Variants in USP6NL observed in about 807,000 individuals in gnomAD.
The protein encoded by USP6NL is USP6 N-terminal like, also known as USP6 N-terminal-like protein.
In USP6NL, 26 loss-of-function variants were observed where a neutral mutation model predicts 61.9. That is an observed-to-expected ratio of 0.42 (90% CI 0.31 to 0.58). The LOEUF is 0.58. USP6NL is among the 20% of genes least tolerant of loss of function. The pLI, the probability that USP6NL is intolerant of heterozygous loss-of-function variation, is 0.16. For missense variants in USP6NL, 1,114 were observed against 1,034.3 expected, an observed-to-expected ratio of 1.08 and a Z score of -1.06; for synonymous variants, 432 against 390.1, an observed-to-expected ratio of 1.11 and a Z score of -1.27.
chr10:11,514,198 A>G (rs1359383928), intron 5 of USP6NL, among the ~76,000 whole-genome samples: 1 of 150,526 alleles, frequency 6.6e-6, no homozygotes, highest in Non-Finnish European at 1.5e-5. Context: ...ACTCTACCCA[A>G]TGGTCTCATC....
chr10:11,514,036 G>A (rs1221927152), intron 5 of USP6NL, among the ~76,000 whole-genome samples: 1 of 152,206 alleles, frequency 6.6e-6, no homozygotes, highest in Non-Finnish European at 1.5e-5. Context: ...ATGCCAAGCT[G>A]TACCACTTCT....
intron 2 of USP6NL, among the ~76,000 whole-genome samples, chr10:11,538,228 A>G (rs989205613): frequency 1.3e-5 from 2 of 152,232 alleles, no homozygotes; most frequent in African/African-American, 4.8e-5. Flanking sequence ...AGATTTTATT[A>G]TAACAGAGAA....
Position 11,491,069 on chromosome 10 carries a change from T to C in USP6NL, c.495-189A>G, listed in dbSNP as rs1029855269. Among the ~76,000 whole-genome samples the C allele has an allele frequency of 6.6e-6, 1 of 152,330 alleles. No individual in the cohort carries two copies. The highest frequency in any genetic ancestry group is 6.5e-5 in the Admixed American group (1 of 15,302). ...AGTCTAAATTCAAGACTAGATAATA[T>C]TCATTCTGAAAGGATTTATACCAAG... is the stretch of plus-strand genomic sequence containing the variant. On this transcript the variant is annotated intron_variant, in intron 8 of 14. Coordinates refer to ENST00000609104, the MANE Select transcript of USP6NL (RefSeq NM_014688.5). The surrounding 1 kb of genome is among the most constrained non-coding windows in gnomAD (Gnocchi z 4.7).
Position 11,562,122 on chromosome 10 carries a change from T to C in USP6NL, c.5-34555A>G, listed in dbSNP as rs1392370286. 6.6e-6 allele frequency among the ~76,000 whole-genome samples: 1 copy of C among 152,012 alleles called. No homozygotes were observed. The highest frequency in any genetic ancestry group is 1.5e-5 in the Non-Finnish European group (1 of 67,996). Reference sequence around the variant, plus strand: ...AGTGAAACTCCGTCTCTACTAAAAATACAAAAAATTAGCTGGATGTGGTGG... The same window carrying C: ...AGTGAAACTCCGTCTCTACTAAAAACACAAAAAATTAGCTGGATGTGGTGG... On this transcript the variant is annotated intron_variant, in intron 2 of 14. Coordinates refer to ENST00000609104, the MANE Select transcript of USP6NL (RefSeq NM_014688.5). The surrounding 1 kb of genome is among the most constrained non-coding windows in gnomAD (Gnocchi z 4.8).
chr10:11,517,207 T>C (rs897110365), intron 5 of USP6NL, among the ~76,000 whole-genome samples: 1 of 152,248 alleles, frequency 6.6e-6, no homozygotes, highest in African/African-American at 2.4e-5. Context: ...TCCATTACAT[T>C]AATTCAGCCC....
Position 11,518,538 on chromosome 10 carries a change from T to C in USP6NL, c.192A>G (p.Glu64=). 1.2e-6 allele frequency: 2 copies of C among 1,613,012 alleles called. No homozygotes were observed. The change falls in exon 5 of 15, where the codon GAA becomes GAG. Residue 64 remains glutamate (E), a synonymous_variant. Coordinates refer to ENST00000609104, the MANE Select transcript of USP6NL (RefSeq NM_014688.5). The surrounding 1 kb of genome is among the most constrained non-coding windows in gnomAD (Gnocchi z 5.3). ...EELPDHNVAV[E]RQKHLEIERT... Reference sequence around the variant, plus strand: ...ATACATCAAGAGCAGGACTTACCCGTTCCACAGCCACATTATGATCTGGGA... The same window carrying C: ...ATACATCAAGAGCAGGACTTACCCGCTCCACAGCCACATTATGATCTGGGA...
chr10:11,607,038 C>A (rs1380925577), intron 1 of USP6NL, among the ~76,000 whole-genome samples: 2 of 152,180 alleles, frequency 1.3e-5, no homozygotes, highest in East Asian at 3.8e-4. Context: ...GATCCACCCA[C>A]CTGGCCCTCC....
chr10:11,480,492 A>T (rs1434189284), intron 14 of USP6NL, among the ~76,000 whole-genome samples: 2 of 152,250 alleles, frequency 1.3e-5, no homozygotes, highest in Non-Finnish European at 2.9e-5. Context: ...AGAAAACAGA[A>T]GTCATTACAC....
intron 2 of USP6NL, among the ~76,000 whole-genome samples, chr10:11,579,303 T>C (rs943762694): frequency 1.3e-5 from 2 of 152,162 alleles, no homozygotes; most frequent in Non-Finnish European, 2.9e-5. Flanking sequence ...AAACCACAAA[T>C]TGATAATCAC....
At chr10:11,558,614 C>A (rs1836805608) in intron 2 of USP6NL, among the ~76,000 whole-genome samples, 1 of 152,300 alleles carries the variant, frequency 6.6e-6, no homozygotes, top group African/African-American at 2.4e-5. Context: ...CATAATCAAA[C>A]CACACTGGAC....
chr10:11,572,202 A>T (rs531516281), intron 2 of USP6NL, among the ~76,000 whole-genome samples: 1 of 152,174 alleles, frequency 6.6e-6, no homozygotes, highest in Non-Finnish European at 1.5e-5. Context: ...CATAAATCTG[A>T]CATTTTCAAA....
rs576760680 is a variant in USP6NL at position 11,487,063 on chromosome 10, C to T, written c.665-1152G>A. 1.9e-4 allele frequency among the ~76,000 whole-genome samples: 28 copies of T among 151,196 alleles called. No individual in the cohort carries two copies. Among genetic ancestry groups the T allele is most frequent in the African/African-American group, 6.6e-4 (27 of 41,148 alleles). On this transcript the variant is annotated intron_variant, in intron 10 of 14. Coordinates refer to ENST00000609104, the MANE Select transcript of USP6NL (RefSeq NM_014688.5). This position sits in a 1 kb window ranked among gnomAD's most constrained non-coding sequence, Gnocchi z 4.2. ...ATTGTTTCATTAAAAAAAAAAAATC[C>T]GTATCTATCAGTGCCACTTTCATAG...
intron 2 of USP6NL, among the ~76,000 whole-genome samples, chr10:11,582,664 A>G (rs1200487238): frequency 6.6e-6 from 1 of 152,194 alleles, no homozygotes; most frequent in Non-Finnish European, 1.5e-5. Context: ...TAACAGAATT[A>G]AGTTAGCAAT....
Position 11,571,104 on chromosome 10 carries a change from A to G in USP6NL, c.4+26527T>C, listed in dbSNP as rs573591603. Among the ~76,000 whole-genome samples the G allele has an allele frequency of 2.0e-5, 3 of 146,942 alleles. No homozygotes were observed. In the South Asian group the frequency reaches 6.4e-4, roughly 31 times the overall value. Reference sequence around the variant, plus strand: ...AAATAATTCTTTTTTTTTTTTTGAGACAAAGTTTTACTCTTGTTGCCCAAG... The same window carrying G: ...AAATAATTCTTTTTTTTTTTTTGAGGCAAAGTTTTACTCTTGTTGCCCAAG... On this transcript the variant is annotated intron_variant, in intron 2 of 14. Transcript: ENST00000609104.
At chr10:11,484,401 T>C (rs200673716) in intron 13 of USP6NL, among the ~76,000 whole-genome samples, 3,336 of 152,238 alleles carry the variant, frequency 0.022, 67 homozygotes, top group Non-Finnish European at 0.035. Context: ...CTCCAGTTTT[T>C]TTTTTTTTTT....
chr10:11,543,341 G>A lies in USP6NL; in HGVS notation c.5-15774C>T, dbSNP rs548356818. ...GGGATCACAAGGTCAGGAGATCGAG[G>A]TCATCCTGGCTAACACGGTGAAACC... On this transcript the variant is annotated intron_variant, in intron 2 of 14. Transcript: ENST00000609104. 6.8e-4 allele frequency among the ~76,000 whole-genome samples: 103 copies of A among 152,150 alleles called. 1 individual carries two copies. The highest frequency in any genetic ancestry group is 2.4e-3 in the African/African-American group (99 of 41,528).
rs148436122 is a variant in USP6NL at position 11,493,086 on chromosome 10, G to A, written c.494+33C>T. The stretch of plus-strand genomic sequence containing the variant: ...GTTAATAAAGACTATTTATAAATGC[G>A]ATTAACATTTCATAATATTAAACTT... On this transcript the variant is annotated intron_variant, in intron 8 of 14. Transcript: ENST00000609104. 1.6e-4 allele frequency: 247 copies of A among 1,519,838 alleles called. No homozygotes were observed. The African/African-American group carries it at 2.7e-3, about 16-fold the overall frequency. The allele number at this position is 1,519,838 out of a possible 1,614,324, so 94.1% of individuals were successfully genotyped here.
chr10:11,538,124 C>T (rs1835906748), intron 2 of USP6NL, among the ~76,000 whole-genome samples: 1 of 152,090 alleles, frequency 6.6e-6, no homozygotes, highest in Non-Finnish European at 1.5e-5. Flanking sequence ...TTTTCTCACA[C>T]CAAGTCCTGG....
Position 11,553,637 on chromosome 10 carries a change from G to A in USP6NL, c.5-26070C>T, listed in dbSNP as rs1431288146. Reference sequence around the variant, plus strand: ...AGGCTGGGTGTGGTGGCTCATGCCTGTAATCCCGGTACGTTGGAAGGCTGA... The same window carrying A: ...AGGCTGGGTGTGGTGGCTCATGCCTATAATCCCGGTACGTTGGAAGGCTGA... On this transcript the variant is annotated intron_variant, in intron 2 of 14. Coordinates refer to ENST00000609104, the MANE Select transcript of USP6NL (RefSeq NM_014688.5). This position sits in a 1 kb window ranked among gnomAD's most constrained non-coding sequence, Gnocchi z 4.8. 6.6e-6 allele frequency among the ~76,000 whole-genome samples: 1 copy of A among 152,164 alleles called. No individual in the cohort carries two copies. Among genetic ancestry groups the A allele is most frequent in the African/African-American group, 2.4e-5 (1 of 41,434 alleles).
Sources: allele counts gnomAD v4.1 joint callset (sites outside exome capture counted in the v4.1 genomes callset), GRCh38; gene constraint gnomAD v4.1.1; non-coding constraint Gnocchi (gnomAD v3.1); transcripts MANE v1.5; gene names NCBI Gene and HGNC (gene_info 2026-07-23, HGNC 2026-07-21).